MYOM1: variants seen among roughly 807,000 people sequenced by gnomAD.
MYOM1 encodes myomesin 1, also known as myomesin-1.
MYOM1 carries 164 observed loss-of-function variants against 205.3 expected under a neutral mutation model. That is an observed-to-expected ratio of 0.80 (90% CI 0.70 to 0.91). The LOEUF (loss-of-function observed/expected upper bound fraction) is 0.91. Ranked by LOEUF, MYOM1 falls within the 40% of genes least tolerant of loss-of-function variation. The pLI, the probability that MYOM1 is intolerant of heterozygous loss-of-function variation, is 0.00. For missense variants in MYOM1, 2,011 were observed against 2,127.3 expected (o/e 0.95, Z 1.08); for synonymous variants, 772 against 789.4 (o/e 0.98, Z 0.37).
chr18:3,110,834 C>G (rs2079515924), intron 22 of MYOM1, among the ~76,000 whole-genome samples: 1 of 150,994 alleles, frequency 6.6e-6, no homozygotes, highest in Admixed American at 6.6e-5. Flanking sequence ...GTCCAGATAG[C>G]AGTATTTTCA....
At chr18:3,182,913 C>CTTTTTTTTTTTTTTT (rs549386891) in intron 5 of MYOM1, among the ~76,000 whole-genome samples, 1 of 92,300 alleles carries the variant, frequency 1.1e-5, no homozygotes, top group Non-Finnish European at 2.3e-5. Flanking sequence ...TTTCTTTCTT[C>CTTTTTTTTTTTTTTT]TTTTTTTTTT....
intron 20 of MYOM1, among the ~76,000 whole-genome samples, chr18:3,118,934 G>A (rs911164655): frequency 6.6e-6 from 1 of 152,118 alleles, no homozygotes; most frequent in African/African-American, 2.4e-5. Context: ...GCAACGTGAT[G>A]GTCTTCAAGG....
At chr18:3,228,583 T>C in the MYOM1 span, among the ~76,000 whole-genome samples, 59 of 152,312 alleles carry the variant, frequency 3.9e-4, no homozygotes, top group Non-Finnish European at 7.4e-4. The surrounding 1 kb of genome is among the most constrained non-coding windows in gnomAD (Gnocchi z 4.5). Flanking sequence ...TCAATTCATT[T>C]CGAATTTCCT....
At position 3,079,203 on chromosome 18, in the gene MYOM1, T is replaced by C; in HGVS notation, c.4624A>G (p.Lys1542Glu). Residue 1542 changes from lysine (K) to glutamate (E), a missense_variant, in exon 34 of 38, where the codon AAG becomes GAG. Lys to Glu is a moderately conservative substitution (Grantham distance 56). Transcript: ENST00000356443. ...CCTTGTCCAGAGAGATCCACTGTCTTCTGATGTCCAGTTTTGCCATCAAAG... is the reference window on the plus strand; with the variant it reads ...CCTTGTCCAGAGAGATCCACTGTCTCCTGATGTCCAGTTTTGCCATCAAAG... ...ELFDGKTGHQKTVDLSGQAYD... is the reference protein window; with the variant it reads ...ELFDGKTGHQETVDLSGQAYD... The C allele has an allele frequency of 6.2e-7, 1 of 1,613,956 alleles. No homozygotes were observed. The highest frequency in any genetic ancestry group is 8.5e-7 in the Non-Finnish European group (1 of 1,179,870).
Position 3,215,159 on chromosome 18 carries a change from A to T in MYOM1, c.65T>A (p.Val22Glu), listed in dbSNP as rs113162857. 1 of 1,613,776 alleles carries T rather than the reference A, an allele frequency of 6.2e-7. No individual in the cohort carries two copies. The highest frequency in any genetic ancestry group is 8.5e-7 in the Non-Finnish European group (1 of 1,179,826). The change falls in exon 2 of 38, where the codon GTG (valine) becomes GAG (glutamate). Residue 22 changes from valine to glutamate, a missense_variant. Physicochemically the swap from Val to Glu is moderately radical, Grantham distance 121. Transcript: ENST00000356443. The part of the protein sequence containing the change: ...HYDLSYRNKD[V>E]RSTVSHYQRE... ...CTGGTAGTGACTCACGGTGCTGCGC[A>T]CGTCCTTGTTGCGGTAGCTGAGATC...
At chr18:3,083,923 C>A in intron 32 of MYOM1, 29 bp from the exon 33 acceptor site, 1 of 1,574,592 alleles carries the variant, frequency 6.4e-7, no homozygotes, top group Non-Finnish European at 8.6e-7. Context: ...ATATTTCATA[C>A]ATCTGCATGC....
intron 34 of MYOM1, among the ~76,000 whole-genome samples, chr18:3,078,096 C>T (rs2079040899): frequency 6.6e-6 from 1 of 151,478 alleles, no homozygotes; most frequent in Non-Finnish European, 1.5e-5. Context: ...GGCTGGAGTA[C>T]AGTGGCGTGA....
the MYOM1 span, among the ~76,000 whole-genome samples, chr18:3,234,736 C>T: frequency 6.6e-6 from 1 of 152,076 alleles, no homozygotes; most frequent in Non-Finnish European, 1.5e-5. Flanking sequence ...AAGACACTCC[C>T]TTTTTTTCTG....
At chr18:3,082,140 A>AGGCGG (rs1463476700) in intron 33 of MYOM1, among the ~76,000 whole-genome samples, 6 of 152,212 alleles carry the variant, frequency 3.9e-5, no homozygotes, top group African/African-American at 7.2e-5. Context: ...ATCTGACAGG[A>AGGCGG]GGCGGAGCTC....
chr18:3,215,028 C>A lies in MYOM1; in HGVS notation c.196G>T (p.Ala66Ser), dbSNP rs776996615. Residue 66 changes from alanine (A) to serine (S), a missense_variant, in exon 2 of 38, where the codon GCC becomes TCC. Ala to Ser is a moderately conservative substitution (Grantham distance 99). Coordinates refer to ENST00000356443, the MANE Select transcript of MYOM1 (RefSeq NM_003803.4). ...RESEAFRRASASSSQQQASQH... is the reference protein window; with the variant it reads ...RESEAFRRASSSSSQQQASQH... The stretch of plus-strand genomic sequence containing the variant: ...GAGGCCTGCTGCTGGGAGGAGGAGG[C>A]GGACGCCCGACGGAAGGCCTCGGAC... 1.9e-6 allele frequency: 3 copies of A among 1,612,392 alleles called. No homozygotes were observed. Among genetic ancestry groups the A allele is most frequent in the African/African-American group, 1.3e-5 (1 of 75,010 alleles).
chr18:3,111,801 A>G (rs1341477697), intron 22 of MYOM1, among the ~76,000 whole-genome samples: 3 of 152,336 alleles, frequency 2.0e-5, no homozygotes, highest in East Asian at 3.9e-4. Flanking sequence ...CAGAGACCAC[A>G]GGGCTGTTGA....
At chr18:3,108,894 C>T (rs762948695) in intron 22 of MYOM1, among the ~76,000 whole-genome samples, 1 of 152,048 alleles carries the variant, frequency 6.6e-6, no homozygotes, top group Non-Finnish European at 1.5e-5. Flanking sequence ...CAGGTAGTGC[C>T]TTGTGGAGAT....
At chr18:3,158,142 T>C (rs1348626696) in intron 10 of MYOM1, among the ~76,000 whole-genome samples, 2 of 152,202 alleles carry the variant, frequency 1.3e-5, no homozygotes, top group Admixed American at 6.5e-5. Context: ...TATTACCATA[T>C]TGGCCTAAAT....
At chr18:3,100,017 A>G in intron 25 of MYOM1, 142 bp downstream of exon 25, 1 of 820,768 alleles carries the variant, frequency 1.2e-6, no homozygotes, top group Non-Finnish European at 2.0e-6. Flanking sequence ...TAGAAAGCAC[A>G]TCTGTAGCTA....
At chr18:3,195,161 G>A (rs1332414924) in intron 2 of MYOM1, among the ~76,000 whole-genome samples, 2 of 152,188 alleles carry the variant, frequency 1.3e-5, no homozygotes, top group Non-Finnish European at 2.9e-5. Flanking sequence ...ATGACGATGC[G>A]AGAAAACAAG....
chr18:3,101,563 A>G (rs544146889), intron 23 of MYOM1, among the ~76,000 whole-genome samples: 11 of 152,100 alleles, frequency 7.2e-5, no homozygotes, highest in Non-Finnish European at 1.3e-4. Context: ...ATACTTCCAC[A>G]TAGAGCTTTC....
intron 36 of MYOM1, among the ~76,000 whole-genome samples, chr18:3,072,448 G>A (rs2078971198): frequency 6.9e-6 from 1 of 144,554 alleles, no homozygotes; most frequent in Non-Finnish European, 1.5e-5. Context: ...CCGCCTCCCA[G>A]GTTCAAGTGA....
chr18:3,245,401 C>G, the MYOM1 span, among the ~76,000 whole-genome samples: 1 of 152,062 alleles, frequency 6.6e-6, no homozygotes, highest in Non-Finnish European at 1.5e-5. Context: ...ATTCAAGTCT[C>G]CAAACTTTTA....
At chr18:3,206,927 T>C (rs781495022) in intron 2 of MYOM1, among the ~76,000 whole-genome samples, 43 of 151,908 alleles carry the variant, frequency 2.8e-4, no homozygotes, top group Non-Finnish European at 5.3e-4. Context: ...TGGATTTTAA[T>C]TTTTTTTGCA....
Sources: gnomAD v4.1 joint callset for allele counts (sites outside exome capture counted in the v4.1 genomes callset) on GRCh38, gnomAD v4.1.1 for gene constraint, Gnocchi (gnomAD v3.1) non-coding constraint, MANE v1.5 for transcripts, NCBI Gene and HGNC (gene_info 2026-07-23, HGNC 2026-07-21) for gene names.